Variants in GRIN2A observed in about 807,000 individuals in gnomAD.
GRIN2A encodes the protein glutamate receptor ionotropic, NMDA 2A.
Under a neutral mutation model 113.4 loss-of-function variants are expected in GRIN2A, and 22 were observed. The ratio of observed to expected loss-of-function variants is 0.19; its 90% CI spans 0.14 to 0.28. The LOEUF (loss-of-function observed/expected upper bound fraction) is 0.28. Among genes scored for constraint, GRIN2A ranks in the 10% least tolerant of loss-of-function variants. GRIN2A has a pLI of 1.00. For synonymous variants in GRIN2A, 827 were observed against 738.4 expected, an observed-to-expected ratio of 1.12 and a Z score of -1.94; for missense variants, 1,502 against 1,887.0, an observed-to-expected ratio of 0.80 and a Z score of 3.78.
At chr16:10,161,011 C>A (rs2049798897) in intron 2 of GRIN2A, among the ~76,000 whole-genome samples, 1 of 152,236 alleles carries the variant, frequency 6.6e-6, no homozygotes. Context: ...TACAGTAGAA[C>A]TTCCTAGAGC....
rs150960619 is a variant in GRIN2A at position 9,861,959 on chromosome 16, C to A, written c.1123-11998G>T. On this transcript the variant is annotated intron_variant, in intron 4 of 12. Transcript: ENST00000330684. ...ATGAAGCTTTGGCATGAATAAGAAC[C>A]TTTCCTGGAAGCTGATTAAGAATGC... Among the ~76,000 whole-genome samples, 88 of 152,264 alleles carry A rather than the reference C, an allele frequency of 5.8e-4. 1 individual carries two copies. In the South Asian group the frequency reaches 0.016, roughly 27 times the overall value.
intron 2 of GRIN2A, among the ~76,000 whole-genome samples, chr16:10,063,116 C>T (rs1432293486): frequency 6.6e-6 from 1 of 152,120 alleles, no homozygotes; most frequent in Non-Finnish European, 1.5e-5. Context: ...AGCAAATTAA[C>T]ACAGGAACAG....
intron 2 of GRIN2A, among the ~76,000 whole-genome samples, chr16:10,057,096 T>A (rs1342375690): frequency 6.6e-6 from 1 of 151,774 alleles, no homozygotes; most frequent in East Asian, 1.9e-4. Flanking sequence ...CATGCATCCA[T>A]CTATCCACCC....
At chr16:10,096,218 C>T (rs2048286383) in intron 2 of GRIN2A, among the ~76,000 whole-genome samples, 2 of 152,068 alleles carry the variant, frequency 1.3e-5, no homozygotes, top group Admixed American at 6.5e-5. Context: ...AATGTGCCTC[C>T]TAGGTTGACA....
intron 2 of GRIN2A, among the ~76,000 whole-genome samples, chr16:10,157,830 A>C (rs577182435): frequency 6.6e-6 from 1 of 152,230 alleles, no homozygotes; most frequent in South Asian, 2.1e-4. Flanking sequence ...GTAGTTTGTT[A>C]TATTTTAATA....
At chr16:9,945,610 G>A (rs1054302440) in intron 2 of GRIN2A, among the ~76,000 whole-genome samples, 1 of 152,192 alleles carries the variant, frequency 6.6e-6, no homozygotes, top group Non-Finnish European at 1.5e-5. Context: ...GAACCTGGGA[G>A]AAACCTGGAA....
intron 2 of GRIN2A, among the ~76,000 whole-genome samples, chr16:9,991,362 C>G (rs2046109494): frequency 6.6e-6 from 1 of 152,150 alleles, no homozygotes; most frequent in South Asian, 2.1e-4. Flanking sequence ...GTAAGTGGTC[C>G]TACAGGTAAA....
chr16:10,000,036 A>T (rs562218031), intron 2 of GRIN2A, among the ~76,000 whole-genome samples: 1 of 152,020 alleles, frequency 6.6e-6, no homozygotes, highest in South Asian at 2.1e-4. Flanking sequence ...CACCCTCATT[A>T]TTCCACCTCT....
Position 9,764,660 on chromosome 16 carries a change from C to T in GRIN2A, c.2884G>A (p.Glu962Lys), listed in dbSNP as rs765370528. 6 of 1,614,052 alleles carry T rather than the reference C, an allele frequency of 3.7e-6. No homozygotes were observed. Among genetic ancestry groups the T allele is most frequent in the South Asian group, 2.2e-5 (2 of 91,068 alleles). The change falls in exon 13 of 13, where the codon GAA becomes AAA. Residue 962 changes from glutamate to lysine, a missense_variant. Physicochemically the swap from Glu to Lys is moderately conservative, Grantham distance 56. Around this residue, in one of 7 missense-constraint regions of GRIN2A, gnomAD observed 832 missense variants for 789.7 expected, o/e 1.05. Transcript: ENST00000330684. ...CGGTTGGCCACAAATGTTTGGAGTT[C>T]GTTCATGTTGTCTCCAAAAATGCTC... is the stretch of plus-strand genomic sequence containing the variant. ...KESIFGDNMN[E>K]LQTFVANRQK... is the part of the protein sequence containing the mutation.
chr16:9,894,002 A>T (rs1443591635), intron 3 of GRIN2A, among the ~76,000 whole-genome samples: 1 of 152,174 alleles, frequency 6.6e-6, no homozygotes. Flanking sequence ...ACTGATGGAG[A>T]GTAAATGTAA....
intron 2 of GRIN2A, among the ~76,000 whole-genome samples, chr16:10,144,958 A>AGAAAAAGT (rs2049408074): frequency 6.7e-6 from 1 of 148,206 alleles, no homozygotes; most frequent in Admixed American, 6.8e-5. Flanking sequence ...GAATGAATAA[A>AGAAAAAGT]GAAAATGTGA....
chr16:10,092,974 G>C (rs2048210743), intron 2 of GRIN2A, among the ~76,000 whole-genome samples: 1 of 151,866 alleles, frequency 6.6e-6, no homozygotes, highest in African/African-American at 2.4e-5. Flanking sequence ...AAGTAGCTGG[G>C]ATTACAGGCA....
intron 2 of GRIN2A, among the ~76,000 whole-genome samples, chr16:10,092,802 G>C (rs1228710789): frequency 6.6e-6 from 1 of 151,088 alleles, no homozygotes; most frequent in Non-Finnish European, 1.5e-5. Flanking sequence ...CATGTACTCA[G>C]AGGCATTAAA....
intron 8 of GRIN2A, among the ~76,000 whole-genome samples, chr16:9,832,889 A>T (rs2042521152): frequency 6.6e-6 from 1 of 152,224 alleles, no homozygotes; most frequent in Non-Finnish European, 1.5e-5. Flanking sequence ...ATGGTGAGGA[A>T]GAAGTTGAAA....
At chr16:9,782,699 C>T (rs777406716) in intron 11 of GRIN2A, among the ~76,000 whole-genome samples, 4 of 152,316 alleles carry the variant, frequency 2.6e-5, no homozygotes, top group Non-Finnish European at 5.9e-5. Context: ...TGATAACAGA[C>T]ACTAAGATTC....
intron 4 of GRIN2A, among the ~76,000 whole-genome samples, chr16:9,859,318 T>C (rs2141392660): frequency 6.6e-6 from 1 of 152,230 alleles, no homozygotes; most frequent in East Asian, 1.9e-4. Context: ...AGGAAGTTTA[T>C]TACAATTAAA....
In GRIN2A at chr16:9,840,813, CAAAAAA is replaced by C. The variant is rs745951746; in HGVS notation, c.1498-19_1498-14del. The C allele has an allele frequency of 1.4e-3, 1,512 of 1,078,658 alleles. No individual in the cohort carries two copies. Among genetic ancestry groups the C allele is most frequent in the Non-Finnish European group, 1.6e-3 (1,311 of 813,396 alleles). The allele number at this position is 1,078,658 out of a possible 1,614,324, so 66.8% of individuals were successfully genotyped here. On this transcript the variant is annotated splice_polypyrimidine_tract_variant and intron_variant, in intron 6 of 12. Transcript: ENST00000330684. Reference sequence around the variant, plus strand: ...GTTGATAGACCACCTGGATGCAAGGCAAAAAAAAAAAAAAAAAAAAGAGAGAGAGAG... The same window carrying C: ...GTTGATAGACCACCTGGATGCAAGGCAAAAAAAAAAAAAAGAGAGAGAGAG...
Position 9,764,276 on chromosome 16 carries a change from C to T in GRIN2A, c.3268G>A (p.Val1090Met), listed in dbSNP as rs1320797353. 3.1e-6 allele frequency: 5 copies of T among 1,614,040 alleles called. No individual in the cohort carries two copies. The highest frequency in any genetic ancestry group is 2.2e-5 in the East Asian group (1 of 44,874). Residue 1090 changes from valine to methionine, a missense_variant, in exon 13 of 13, where the codon GTG (valine) becomes ATG (methionine). This residue lies in a region of GRIN2A where 832 missense variants were observed against 789.7 expected (regional missense o/e 1.05). Transcript: ENST00000330684. ...CAGTCCTTGGGGTATTTGGAGGCCA[C>T]TGACCTTTTAAAGTTGTCCTTGGTT... ...HKTKDNFKRS[V>M]ASKYPKDCSE...
intron 7 of GRIN2A, among the ~76,000 whole-genome samples, chr16:9,839,850 GA>G: frequency 6.6e-6 from 1 of 152,240 alleles, no homozygotes; most frequent in East Asian, 1.9e-4. Context: ...GGAGGGGAGT[GA>G]ATTAGGATGT....
Sources: gnomAD v4.1 joint callset for allele counts (sites outside exome capture counted in the v4.1 genomes callset) on GRCh38, gnomAD v4.1.1 for gene constraint, gnomAD v4.1.1 regional missense constraint, MANE v1.5 for transcripts, NCBI Gene and HGNC (gene_info 2026-07-23, HGNC 2026-07-21) for gene names.